Variants in CELSR1 observed in about 807,000 individuals in gnomAD.
CELSR1 encodes the protein cadherin EGF LAG seven-pass G-type receptor 1.
In CELSR1, 110 loss-of-function variants were observed where a neutral mutation model predicts 249.1. The ratio of observed to expected loss-of-function variants is 0.44; its 90% CI spans 0.38 to 0.52. The LOEUF is 0.52. Among genes scored for constraint, CELSR1 ranks in the 20% least tolerant of loss-of-function variants. The pLI is 0.00. For missense variants in CELSR1, 4,109 were observed against 4,296.4 expected (o/e 0.96, Z 1.22); for synonymous variants, 2,113 against 1,900.0 (o/e 1.11, Z -2.92).
In CELSR1 at chr22:46,391,013, T is replaced by A. The variant is rs2147253101; in HGVS notation, c.6250+173A>T. 6.6e-6 allele frequency among the ~76,000 whole-genome samples: 1 copy of A among 152,334 alleles called. No individual in the cohort carries two copies. Among genetic ancestry groups the A allele is most frequent in the East Asian group, 1.9e-4 (1 of 5,190 alleles). On this transcript the variant is annotated intron_variant, in intron 16 of 34. Coordinates refer to ENST00000674500, the MANE Select transcript of CELSR1 (RefSeq NM_001378328.1). The surrounding 1 kb of genome is among the most constrained non-coding windows in gnomAD (Gnocchi z 4.3). ...CACTGTTCATGTTTCTGTTGCGCCCTCTGCCTGCTTTGTGTATTTCCTGGT... is the reference window on the plus strand; with the variant it reads ...CACTGTTCATGTTTCTGTTGCGCCCACTGCCTGCTTTGTGTATTTCCTGGT...
intron 1 of CELSR1, among the ~76,000 whole-genome samples, chr22:46,499,339 C>A (rs971799982): frequency 6.6e-6 from 1 of 152,060 alleles, no homozygotes. Flanking sequence ...ACATCTGAAA[C>A]GAAGCTTCCT....
rs1300042543 is a variant in CELSR1, at chr22:46,484,146, A to G, written c.3545-19801T>C. 6.6e-6 allele frequency among the ~76,000 whole-genome samples: 1 copy of G among 152,186 alleles called. No individual in the cohort carries two copies. The highest frequency in any genetic ancestry group is 1.5e-5 in the Non-Finnish European group (1 of 68,024). On this transcript the variant is annotated intron_variant, in intron 1 of 34. Transcript: ENST00000674500. The surrounding 1 kb of genome is among the most constrained non-coding windows in gnomAD (Gnocchi z 4.5). ...CTTCCGCCCAGAAATCCAAGGGTAC[A>G]GGGCAAGAGAAGGGGAGCTGCTGGG...
chr22:46,477,908 A>T (rs2080226235), intron 1 of CELSR1, among the ~76,000 whole-genome samples: 1 of 151,796 alleles, frequency 6.6e-6, no homozygotes. Context: ...GGGCTGGGTA[A>T]CTCTCTGTGG....
At position 46,448,104 on chromosome 22, in the gene CELSR1, C is replaced by G. The variant is rs764021604; in HGVS notation, c.4184-8693G>C. On this transcript the variant is annotated intron_variant, in intron 2 of 34. Transcript: ENST00000674500. This position sits in a 1 kb window ranked among gnomAD's most constrained non-coding sequence, Gnocchi z 5.7. ...ATCAACCCTTGGCCTAAGGGGCTTC[C>G]AGAAAAGCCCTGGCTTCACAGGGCT... 6.6e-6 allele frequency among the ~76,000 whole-genome samples: 1 copy of G among 152,204 alleles called. No homozygotes were observed. The highest frequency in any genetic ancestry group is 1.5e-5 in the Non-Finnish European group (1 of 68,026).
chr22:46,366,860 C>T (rs950942479), intron 29 of CELSR1, 133 bp downstream of exon 29: 39 of 1,289,060 alleles, frequency 3.0e-5, no homozygotes, highest in Non-Finnish European at 3.8e-5. Flanking sequence ...CACCGTGCAC[C>T]GCGGGCGGCT....
At chr22:46,494,294 G>A (rs1361835170) in intron 1 of CELSR1, among the ~76,000 whole-genome samples, 1 of 152,106 alleles carries the variant, frequency 6.6e-6, no homozygotes, top group Non-Finnish European at 1.5e-5. Context: ...CCTCAAAGTG[G>A]CCTTGGCTAT....
At chr22:46,383,568 C>T (rs1015364550) in intron 20 of CELSR1, among the ~76,000 whole-genome samples, 1 of 152,166 alleles carries the variant, frequency 6.6e-6, no homozygotes, top group African/African-American at 2.4e-5. Flanking sequence ...GCTCTGCTGC[C>T]CAGGCTGGGC....
At chr22:46,373,767 T>C (rs948576750) in intron 24 of CELSR1, among the ~76,000 whole-genome samples, 1 of 149,564 alleles carries the variant, frequency 6.7e-6, no homozygotes, top group Non-Finnish European at 1.5e-5. Context: ...CCCACCACCC[T>C]GACCCCACCC....
Position 46,505,240 on chromosome 22 carries a change from C to T in CELSR1, c.3544+28387G>A, listed in dbSNP as rs189977621. Among the ~76,000 whole-genome samples the T allele has an allele frequency of 9.6e-3, 1,064 of 111,296 alleles. 5 individuals are homozygous for T. The highest frequency in any genetic ancestry group is 0.035 in the Admixed American group (251 of 7,136). The allele number at this position is 111,296 out of a possible 152,430, so 73.0% of individuals were successfully genotyped here. Reference sequence around the variant, plus strand: ...TGGCGCCACTGCACTCCAGCCTGGGCGACAGAGCAAGACTCTGTCTCAAAA... The same window carrying T: ...TGGCGCCACTGCACTCCAGCCTGGGTGACAGAGCAAGACTCTGTCTCAAAA... On this transcript the variant is annotated intron_variant, in intron 1 of 34. Coordinates refer to ENST00000674500, the MANE Select transcript of CELSR1 (RefSeq NM_001378328.1).
intron 2 of CELSR1, among the ~76,000 whole-genome samples, chr22:46,457,829 G>A (rs540609968): frequency 1.1e-4 from 17 of 152,328 alleles, no homozygotes; most frequent in African/African-American, 3.6e-4. Context: ...GGAAGTGTAC[G>A]TGATTGGAGG....
chr22:46,530,874 G>T (rs1050631811), intron 1 of CELSR1, among the ~76,000 whole-genome samples: 1 of 152,152 alleles, frequency 6.6e-6, no homozygotes, highest in African/African-American at 2.4e-5. Context: ...CCCACTAAAC[G>T]TAGTCGATGG....
At chr22:46,364,411 G>T in intron 33 of CELSR1, 101 bp downstream of exon 33, 2 of 1,497,294 alleles carry the variant, frequency 1.3e-6, no homozygotes, top group South Asian at 1.3e-5. Flanking sequence ...CCCAGGCCCT[G>T]ACTTGCCCCA....
chr22:46,521,504 CAAA>C (rs550935833), intron 1 of CELSR1, among the ~76,000 whole-genome samples: 2 of 137,074 alleles, frequency 1.5e-5, no homozygotes, highest in Non-Finnish European at 3.2e-5. Flanking sequence ...GACTCCATCT[CAAA>C]AAAAAAAAAG....
chr22:46,405,634 G>A (rs1354495759), intron 9 of CELSR1, among the ~76,000 whole-genome samples: 2 of 151,956 alleles, frequency 1.3e-5, no homozygotes, highest in African/African-American at 4.8e-5. Flanking sequence ...CCAGCTCTCA[G>A]TCAGAGAGGC....
At chr22:46,465,808 GT>G (rs1457068753) in intron 1 of CELSR1, among the ~76,000 whole-genome samples, 1 of 152,216 alleles carries the variant, frequency 6.6e-6, no homozygotes, top group East Asian at 1.9e-4. Context: ...ACCACCCCCA[GT>G]TCACAGGTGA....
At chr22:46,507,321 CCTG>C (rs1335823164) in intron 1 of CELSR1, among the ~76,000 whole-genome samples, 1 of 152,194 alleles carries the variant, frequency 6.6e-6, no homozygotes, top group Non-Finnish European at 1.5e-5. Flanking sequence ...CACCACAATG[CCTG>C]CTGAAGTCGG....
In CELSR1 at chr22:46,396,216, G is replaced by A. The variant is rs990994153; in HGVS notation, c.5843+389C>T. Among the ~76,000 whole-genome samples, 1 of 152,216 alleles carries A rather than the reference G, an allele frequency of 6.6e-6. No homozygotes were observed. The highest frequency in any genetic ancestry group is 1.5e-5 in the Non-Finnish European group (1 of 68,022). Reference sequence around the variant, plus strand: ...GAGGTCAGGAGTTCGAGACCAGCCTGACCAATATGGTGAAACTCCATTTCT... The same window carrying A: ...GAGGTCAGGAGTTCGAGACCAGCCTAACCAATATGGTGAAACTCCATTTCT... On this transcript the variant is annotated intron_variant, in intron 13 of 34. Transcript: ENST00000674500. The surrounding 1 kb of genome is among the most constrained non-coding windows in gnomAD (Gnocchi z 6.4).
chr22:46,361,658 G>C lies in CELSR1; in HGVS notation c.*1565C>G, dbSNP rs1312831169. 6.6e-6 allele frequency: 1 copy of C among 152,156 alleles called. No individual in the cohort carries two copies. The highest frequency in any genetic ancestry group is 2.4e-5 in the African/African-American group (1 of 41,424). 9.4% of individuals were successfully genotyped at this position (152,156 alleles called of 1,614,324 possible). ...CCTGTCCTGGACCATTTTCAGATAC[G>C]CTTTTCCTCTCCCATAGGCATCTGC... On this transcript the variant is annotated 3_prime_UTR_variant, in exon 35 of 35. Transcript: ENST00000674500.
chr22:46,389,313 T>G lies in CELSR1; in HGVS notation c.6532A>C (p.Thr2178Pro), dbSNP rs772512692. The change falls in exon 18 of 35, where the codon ACG (threonine) becomes CCG (proline). Residue 2178 changes from threonine (T) to proline (P), a missense_variant. Physicochemically the swap from Thr to Pro is conservative, Grantham distance 38. This residue lies in a region of CELSR1 where 1,805 missense variants were observed against 1,831.6 expected (regional missense o/e 0.99). Transcript: ENST00000674500. ...ACCTCGTGAAAGTCGGCGTCCTGCGTGGCTGCCAGGTCGAAGCCCTGCTGC... is the reference window on the plus strand; with the variant it reads ...ACCTCGTGAAAGTCGGCGTCCTGCGGGGCTGCCAGGTCGAAGCCCTGCTGC... ...SWQQGFDLAA[T>P]QDADFHEDVI... 1 of 1,608,148 alleles carries G rather than the reference T, an allele frequency of 6.2e-7. No individual in the cohort carries two copies. Among genetic ancestry groups the G allele is most frequent in the Non-Finnish European group, 8.5e-7 (1 of 1,179,764 alleles).
Sources: allele counts gnomAD v4.1 joint callset (sites outside exome capture counted in the v4.1 genomes callset), GRCh38; gene constraint gnomAD v4.1.1; regional missense constraint gnomAD v4.1.1; non-coding constraint Gnocchi (gnomAD v3.1); transcripts MANE v1.5; gene names NCBI Gene and HGNC (gene_info 2026-07-23, HGNC 2026-07-21).